The following FSTL5 variants were observed in gnomAD, a reference collection of about 807,000 sequenced individuals.
FSTL5 encodes follistatin like 5, also known as follistatin-related protein 5.
Under a neutral mutation model 89.1 loss-of-function variants are expected in FSTL5, and 62 were observed. The observed-to-expected ratio is 0.70, with a 90% CI of 0.57 to 0.86. The LOEUF (loss-of-function observed/expected upper bound fraction) is 0.86. FSTL5 is among the 40% of genes least tolerant of loss of function. The pLI is 0.00. For synonymous variants in FSTL5, 383 were observed against 346.2 expected, an observed-to-expected ratio of 1.11 and a Z score of -1.18; for missense variants, 1,057 against 1,001.6, an observed-to-expected ratio of 1.06 and a Z score of -0.75.
At chr4:161,704,852 C>T (rs115761912) in intron 6 of FSTL5, among the ~76,000 whole-genome samples, 343 of 152,150 alleles carry the variant, frequency 2.3e-3, no homozygotes, top group African/African-American at 7.7e-3. Flanking sequence ...TTTCTCATTA[C>T]GAGCCACTAG....
At chr4:161,682,928 G>A (rs1271159494) in intron 6 of FSTL5, among the ~76,000 whole-genome samples, 1 of 151,874 alleles carries the variant, frequency 6.6e-6, no homozygotes, top group Admixed American at 6.6e-5. Context: ...TGTATTTTTA[G>A]TAGAGATGGG....
At chr4:161,902,726 G>A (rs558540311) in intron 4 of FSTL5, among the ~76,000 whole-genome samples, 2 of 152,126 alleles carry the variant, frequency 1.3e-5, no homozygotes, top group African/African-American at 4.8e-5. Context: ...GTGGGCGCCT[G>A]TAATCCCAGC....
chr4:161,924,568 G>A (rs992968914), intron 3 of FSTL5, among the ~76,000 whole-genome samples: 4 of 151,618 alleles, frequency 2.6e-5, no homozygotes, highest in African/African-American at 9.7e-5. Context: ...GCGTAAGATA[G>A]GACTTGAACA....
At chr4:161,615,542 C>T (rs1486954500) in intron 7 of FSTL5, among the ~76,000 whole-genome samples, 3 of 151,516 alleles carry the variant, frequency 2.0e-5, no homozygotes, top group Admixed American at 6.6e-5. Context: ...TACAAACACA[C>T]ACACATGCAT....
At chr4:161,942,764 C>T (rs1009947683) in intron 3 of FSTL5, among the ~76,000 whole-genome samples, 2 of 151,986 alleles carry the variant, frequency 1.3e-5, no homozygotes, top group Non-Finnish European at 2.9e-5. Flanking sequence ...AATGTTTTTA[C>T]CTAAGACATT....
chr4:161,465,186 AT>A (rs942250802), intron 13 of FSTL5, among the ~76,000 whole-genome samples: 2 of 152,160 alleles, frequency 1.3e-5, no homozygotes, highest in Middle Eastern at 3.4e-3. Context: ...ATAAAATAAG[AT>A]TTTTTTAAGA....
intron 4 of FSTL5, among the ~76,000 whole-genome samples, chr4:161,813,238 C>G (rs574888483): frequency 6.6e-6 from 1 of 152,010 alleles, no homozygotes; most frequent in Admixed American, 6.6e-5. Flanking sequence ...ACCGTGTTAG[C>G]AAGGATGGTC....
At chr4:161,680,147 A>T (rs745876249) in intron 6 of FSTL5, among the ~76,000 whole-genome samples, 1 of 151,928 alleles carries the variant, frequency 6.6e-6, no homozygotes, top group Non-Finnish European at 1.5e-5. Context: ...ATTTGTTTAT[A>T]GAAGAAAATA....
chr4:161,415,671 G>GAGAGAGAA (rs1731748745), intron 15 of FSTL5, among the ~76,000 whole-genome samples: 8 of 150,586 alleles, frequency 5.3e-5, no homozygotes, highest in African/African-American at 2.0e-4. Context: ...TATAGAGAGA[G>GAGAGAGAA]AGAGAGAGAA....
At chr4:161,456,336 G>C (rs1733350055) in intron 14 of FSTL5, among the ~76,000 whole-genome samples, 1 of 151,936 alleles carries the variant, frequency 6.6e-6, no homozygotes, top group African/African-American at 2.4e-5. Flanking sequence ...ATCCACCTGA[G>C]GACACTAATT....
chr4:161,862,882 T>C (rs920488), intron 4 of FSTL5, among the ~76,000 whole-genome samples: 40,279 of 152,152 alleles, frequency 0.26, 5,669 homozygotes, highest in Non-Finnish European at 0.3. Flanking sequence ...GCTGTAAATG[T>C]ATGGATGAGT....
chr4:161,450,290 G>C (rs1235522802), intron 15 of FSTL5, among the ~76,000 whole-genome samples: 21 of 152,246 alleles, frequency 1.4e-4, no homozygotes, highest in Non-Finnish European at 2.5e-4. Flanking sequence ...GCAAATTCTA[G>C]TTGCACCTGC....
At chr4:161,544,804 T>C (rs910690956) in intron 8 of FSTL5, among the ~76,000 whole-genome samples, 1 of 151,998 alleles carries the variant, frequency 6.6e-6, no homozygotes, top group Non-Finnish European at 1.5e-5. Context: ...AATTTAAATA[T>C]GGTCCCTGTA....
rs74888126 is a variant in FSTL5, at chr4:161,442,824, G to A, written c.1841+12180C>T. Among the ~76,000 whole-genome samples, 1,374 of 152,070 alleles carry A rather than the reference G, an allele frequency of 9.0e-3. 18 individuals are homozygous for A. The highest frequency in any genetic ancestry group is 0.04 in the South Asian group (192 of 4,824). ...TAAAGTGGATAATATGCATGCTTTA[G>A]AAATATGAAACTAATCTTAGACTCT... On this transcript the variant is annotated intron_variant, in intron 15 of 15. Coordinates refer to ENST00000306100, the MANE Select transcript of FSTL5 (RefSeq NM_020116.5).
At chr4:161,748,129 A>G (rs1740265560) in intron 6 of FSTL5, among the ~76,000 whole-genome samples, 2 of 152,158 alleles carry the variant, frequency 1.3e-5, no homozygotes, top group Admixed American at 6.5e-5. Context: ...ACATGCAATA[A>G]ATAGCTAATA....
chr4:161,666,302 T>G (rs913548693), intron 6 of FSTL5, among the ~76,000 whole-genome samples: 3 of 152,108 alleles, frequency 2.0e-5, no homozygotes, highest in Non-Finnish European at 4.4e-5. Context: ...AATCTGAAAA[T>G]TGCTGAACTA....
At chr4:161,543,994 T>C (rs1287886353) in intron 8 of FSTL5, among the ~76,000 whole-genome samples, 1 of 151,932 alleles carries the variant, frequency 6.6e-6, no homozygotes, top group African/African-American at 2.4e-5. Context: ...ATTCTGATAG[T>C]ATCCAGAATA....
At chr4:161,472,994 A>T (rs1437877696) in intron 13 of FSTL5, among the ~76,000 whole-genome samples, 1 of 152,176 alleles carries the variant, frequency 6.6e-6, no homozygotes, top group African/African-American at 2.4e-5. Context: ...AAGTGCTGGG[A>T]TTATAGCTAT....
intron 15 of FSTL5, among the ~76,000 whole-genome samples, chr4:161,448,727 C>G (rs986206267): frequency 6.6e-6 from 1 of 152,096 alleles, no homozygotes; most frequent in African/African-American, 2.4e-5. Context: ...TACTGCTGAT[C>G]GGAAACAAGA....
Sources: allele counts gnomAD v4.1 joint callset (sites outside exome capture counted in the v4.1 genomes callset), GRCh38; gene constraint gnomAD v4.1.1; transcripts MANE v1.5; gene names NCBI Gene and HGNC (gene_info 2026-07-23, HGNC 2026-07-21).